The following ALPK2 variants were observed in gnomAD, a reference collection of about 807,000 sequenced individuals.
ALPK2 encodes the protein alpha-protein kinase 2.
In ALPK2, 127 loss-of-function variants were observed where a neutral mutation model predicts 163.1. The observed-to-expected ratio is 0.78, with a 90% CI of 0.67 to 0.90. The LOEUF is 0.90. ALPK2 is among the 40% of genes least tolerant of loss of function. The pLI, the probability that ALPK2 is intolerant of heterozygous loss-of-function variation, is 0.00. For synonymous variants in ALPK2, 953 were observed against 959.1 expected, an observed-to-expected ratio of 0.99 and a Z score of 0.12; for missense variants, 2,360 against 2,589.6, an observed-to-expected ratio of 0.91 and a Z score of 1.92.
At chr18:58,570,129 CAAAA>C (rs11329554) in intron 4 of ALPK2, among the ~76,000 whole-genome samples, 6 of 125,410 alleles carry the variant, frequency 4.8e-5, no homozygotes, top group Non-Finnish European at 5.1e-5. Context: ...GACTCCGTCT[CAAAA>C]AAAAAAAAAA....
chr18:58,522,234 C>T (rs1393930499), intron 8 of ALPK2, among the ~76,000 whole-genome samples: 4 of 152,126 alleles, frequency 2.6e-5, no homozygotes, highest in Non-Finnish European at 4.4e-5. Context: ...TGATGACGGG[C>T]GGCTCTTCCC....
At position 58,529,083 on chromosome 18, in the gene ALPK2, C is replaced by T. The variant is rs775954918; in HGVS notation, c.5501+8G>A. On this transcript the variant is annotated splice_region_variant and intron_variant, in intron 6 of 12. Coordinates refer to ENST00000361673, the MANE Select transcript of ALPK2 (RefSeq NM_052947.4). The stretch of plus-strand genomic sequence containing the variant: ...ACTGTGAAAAGTAACCAGGGAAAAA[C>T]ATCGCACCTTCTCTGCACTTGGGCT... 3 of 1,614,034 alleles carry T rather than the reference C, an allele frequency of 1.9e-6. No individual in the cohort carries two copies. The highest frequency in any genetic ancestry group is 2.2e-5 in the East Asian group (1 of 44,860).
At chr18:58,517,604 C>A (rs1310345957) in intron 8 of ALPK2, among the ~76,000 whole-genome samples, 1 of 150,902 alleles carries the variant, frequency 6.6e-6, no homozygotes. Context: ...CCCCCCGCAA[C>A]CACGGAATCT....
chr18:58,612,253 A>C (rs2052136667), intron 1 of ALPK2, among the ~76,000 whole-genome samples: 1 of 152,218 alleles, frequency 6.6e-6, no homozygotes, highest in African/African-American at 2.4e-5. Context: ...ACCTCCTCTC[A>C]TTCCTCCTCC....
At chr18:58,483,932 C>G (rs988144939) in intron 12 of ALPK2, among the ~76,000 whole-genome samples, 2 of 152,048 alleles carry the variant, frequency 1.3e-5, no homozygotes, top group African/African-American at 4.8e-5. Context: ...GTCATAGACT[C>G]TCCTGGACTG....
At chr18:58,621,311 G>C (rs2052197693) in intron 1 of ALPK2, among the ~76,000 whole-genome samples, 1 of 149,250 alleles carries the variant, frequency 6.7e-6, no homozygotes, top group Admixed American at 6.7e-5. Flanking sequence ...GTCTCGCTCT[G>C]TCACCCAGGC....
intron 8 of ALPK2, 148 bp from the exon 9 acceptor site, chr18:58,517,330 GA>G: frequency 1.3e-6 from 1 of 769,032 alleles, no homozygotes; most frequent in Non-Finnish European, 2.1e-6. Flanking sequence ...CCCTTCAAAA[GA>G]GGCATAGCTA....
At chr18:58,500,289 T>C (rs186918139) in intron 11 of ALPK2, among the ~76,000 whole-genome samples, 26 of 151,908 alleles carry the variant, frequency 1.7e-4, no homozygotes, top group Non-Finnish European at 1.6e-4. Context: ...CTGGACATCT[T>C]GTTTCATGGA....
chr18:58,550,489 C>A (rs80265854), intron 4 of ALPK2, among the ~76,000 whole-genome samples: 285 of 1,828 alleles, frequency 0.16, 2 homozygotes, highest in South Asian at 0.19. Context: ...ATGACTCTAC[C>A]CCCATCTATA....
intron 4 of ALPK2, among the ~76,000 whole-genome samples, chr18:58,559,687 A>G (rs1479646875): frequency 6.6e-6 from 1 of 152,172 alleles, no homozygotes; most frequent in Non-Finnish European, 1.5e-5. Flanking sequence ...ACTCTCCACA[A>G]AGCTGGCTTC....
chr18:58,588,087 G>A (rs1260654016), intron 3 of ALPK2, among the ~76,000 whole-genome samples: 1 of 152,102 alleles, frequency 6.6e-6, no homozygotes, highest in Non-Finnish European at 1.5e-5. Context: ...TCCTCAAGAT[G>A]TTCACCATCT....
At chr18:58,499,981 G>C (rs548441851) in intron 11 of ALPK2, among the ~76,000 whole-genome samples, 1 of 152,242 alleles carries the variant, frequency 6.6e-6, no homozygotes. Flanking sequence ...CGGATTCAGC[G>C]TTATCTGCTG....
In ALPK2 at chr18:58,580,441, T is replaced by C. The variant is rs760237351; in HGVS notation, c.335A>G (p.Gln112Arg). ...GTCATCTTCCAGGTTAGGAGACAAT[T>C]GTGGGTTCTCTGATGAGCACTCAAC... ...VEVECSSENP[Q>R]LSPNLEDDRD... is the part of the protein sequence containing the mutation. Residue 112 changes from glutamine (Q) to arginine (R), a missense_variant, in exon 4 of 13, where the codon CAA becomes CGA. Coordinates refer to ENST00000361673, the MANE Select transcript of ALPK2 (RefSeq NM_052947.4). The C allele has an allele frequency of 2.3e-5, 37 of 1,614,082 alleles. No individual in the cohort carries two copies. Among genetic ancestry groups the C allele is most frequent in the Non-Finnish European group, 1.7e-6 (2 of 1,180,044 alleles).
At chr18:58,611,007 T>C (rs2052126887) in intron 2 of ALPK2, among the ~76,000 whole-genome samples, 1 of 150,162 alleles carries the variant, frequency 6.7e-6, no homozygotes, top group Non-Finnish European at 1.5e-5. Context: ...GGTGGGAGAA[T>C]TGCTTGAAAC....
chr18:58,594,819 C>T (rs1273615551), intron 3 of ALPK2, among the ~76,000 whole-genome samples: 3 of 152,200 alleles, frequency 2.0e-5, no homozygotes, highest in Admixed American at 2.0e-4. Context: ...CTGGCCGCTT[C>T]CTCCCACCTT....
chr18:58,596,370 A>G (rs1432091752), intron 3 of ALPK2, among the ~76,000 whole-genome samples: 1 of 152,210 alleles, frequency 6.6e-6, no homozygotes, highest in Admixed American at 6.5e-5. Context: ...TGGTGAGCCG[A>G]GGCAGCCACT....
In ALPK2 at chr18:58,534,954, T is replaced by C. The variant is rs951369873; in HGVS notation, c.5233A>G (p.Lys1745Glu). 1 of 1,614,160 alleles carries C rather than the reference T, an allele frequency of 6.2e-7. No individual in the cohort carries two copies. Among genetic ancestry groups the C allele is most frequent in the Non-Finnish European group, 8.5e-7 (1 of 1,180,012 alleles). ...VAALRLKLEE[K>E]ENIRKNSAFL... ...GCTGAGTTCTTTCTGATATTTTCCT[T>C]TTCTTCCAGTTTCAGCCTCAGTGCT... Residue 1745 changes from lysine to glutamate, a missense_variant, in exon 5 of 13, where the codon AAG becomes GAG. Coordinates refer to ENST00000361673, the MANE Select transcript of ALPK2 (RefSeq NM_052947.4).
intron 5 of ALPK2, among the ~76,000 whole-genome samples, chr18:58,531,792 G>C (rs1336672173): frequency 6.6e-6 from 1 of 151,446 alleles, no homozygotes; most frequent in African/African-American, 2.4e-5. Context: ...ACAAAAATTA[G>C]CTGGGCATGG....
intron 10 of ALPK2, among the ~76,000 whole-genome samples, chr18:58,512,619 G>A (rs971575565): frequency 2.0e-5 from 3 of 151,646 alleles, no homozygotes; most frequent in African/African-American, 7.3e-5. Flanking sequence ...TGTGTGGTTT[G>A]TGGTTGTGTG....
Sources: gnomAD v4.1 joint callset for allele counts (sites outside exome capture counted in the v4.1 genomes callset) on GRCh38, gnomAD v4.1.1 for gene constraint, MANE v1.5 for transcripts, NCBI Gene and HGNC (gene_info 2026-07-23, HGNC 2026-07-21) for gene names.